The following PTPRD variants were observed in gnomAD, a reference collection of about 807,000 sequenced individuals.
PTPRD encodes the protein receptor-type tyrosine-protein phosphatase delta.
In PTPRD, 34 loss-of-function variants were observed where a neutral mutation model predicts 214.5. The observed-to-expected ratio is 0.16, with a 90% CI of 0.12 to 0.21. PTPRD has a LOEUF of 0.21. PTPRD is among the 10% of genes least tolerant of loss of function. PTPRD has a pLI of 1.00. For missense variants in PTPRD, 2,545 were observed against 2,398.7 expected, an observed-to-expected ratio of 1.06 and a Z score of -1.27; for synonymous variants, 1,128 against 845.7, an observed-to-expected ratio of 1.33 and a Z score of -5.79.
At chr9:8,760,736 G>A (rs2094360907) in intron 11 of PTPRD, among the ~76,000 whole-genome samples, 3 of 151,990 alleles carry the variant, frequency 2.0e-5, no homozygotes, top group Admixed American at 2.0e-4. Context: ...GTTTCTGTGG[G>A]TCTGAAGAAT....
intron 8 of PTPRD, among the ~76,000 whole-genome samples, chr9:9,474,149 G>A (rs181402420): frequency 3.9e-5 from 6 of 152,156 alleles, no homozygotes; most frequent in Non-Finnish European, 7.4e-5. Flanking sequence ...GTGAGAGATA[G>A]GGGTTTAATT....
chr9:9,329,655 T>C (rs1467064032), intron 9 of PTPRD, among the ~76,000 whole-genome samples: 3 of 152,178 alleles, frequency 2.0e-5, no homozygotes, highest in African/African-American at 4.8e-5. Flanking sequence ...AGAGAGAATA[T>C]AGAAGAATTA....
At chr9:9,467,328 C>A (rs564575238) in intron 8 of PTPRD, among the ~76,000 whole-genome samples, 7 of 149,656 alleles carry the variant, frequency 4.7e-5, no homozygotes, top group African/African-American at 1.7e-4. Context: ...TGGCTCACAC[C>A]TGTAATCCCA....
At chr9:8,451,579 C>G (rs2095953296) in intron 33 of PTPRD, among the ~76,000 whole-genome samples, 1 of 152,174 alleles carries the variant, frequency 6.6e-6, no homozygotes, top group African/African-American at 2.4e-5. Flanking sequence ...CTTCGCCTCA[C>G]CACACTAAGA....
At chr9:9,308,793 A>G (rs1957948864) in intron 9 of PTPRD, among the ~76,000 whole-genome samples, 1 of 152,170 alleles carries the variant, frequency 6.6e-6, no homozygotes, top group South Asian at 2.1e-4. Flanking sequence ...AAATATTTTA[A>G]TGTTGAATTT....
intron 8 of PTPRD, among the ~76,000 whole-genome samples, chr9:9,567,503 A>G (rs1188179793): frequency 6.6e-6 from 1 of 152,036 alleles, no homozygotes; most frequent in Non-Finnish European, 1.5e-5. Context: ...TTCCTAAGCA[A>G]TCACCTGTTT....
At chr9:8,570,564 C>CA (rs1308622994) in intron 14 of PTPRD, among the ~76,000 whole-genome samples, 1 of 152,032 alleles carries the variant, frequency 6.6e-6, no homozygotes, top group Non-Finnish European at 1.5e-5. Context: ...ATAACAAATA[C>CA]ATTTTTTTTT....
chr9:9,325,830 T>G (rs1569567385), intron 9 of PTPRD, among the ~76,000 whole-genome samples: 2 of 152,220 alleles, frequency 1.3e-5, no homozygotes, highest in African/African-American at 2.4e-5. Flanking sequence ...GCTGTGGGCT[T>G]GTCATAAATA....
At chr9:8,614,574 T>A (rs138857970) in intron 14 of PTPRD, among the ~76,000 whole-genome samples, 8 of 152,298 alleles carry the variant, frequency 5.3e-5, no homozygotes, top group Non-Finnish European at 1.5e-5. Flanking sequence ...TCCTTTTATG[T>A]AGAGCCCTAC....
At chr9:8,988,039 A>C (rs1003996628) in intron 11 of PTPRD, among the ~76,000 whole-genome samples, 1 of 151,984 alleles carries the variant, frequency 6.6e-6, no homozygotes, top group Non-Finnish European at 1.5e-5. Flanking sequence ...GGGAGATGTA[A>C]GGAGGAAGTT....
At chr9:9,026,867 C>G (rs1358058468) in intron 10 of PTPRD, among the ~76,000 whole-genome samples, 1 of 151,840 alleles carries the variant, frequency 6.6e-6, no homozygotes, top group Non-Finnish European at 1.5e-5. Context: ...GACTCTCCTA[C>G]TCCGACATTT....
intron 7 of PTPRD, among the ~76,000 whole-genome samples, chr9:9,677,805 T>G (rs143508085): frequency 1.3e-5 from 2 of 152,086 alleles, no homozygotes; most frequent in African/African-American, 4.8e-5. Context: ...GACATGATTG[T>G]ATATCTAGAA....
At chr9:10,056,826 G>C (rs897590785) in intron 3 of PTPRD, among the ~76,000 whole-genome samples, 1 of 152,066 alleles carries the variant, frequency 6.6e-6, no homozygotes, top group African/African-American at 2.4e-5. Context: ...AACTCTTACA[G>C]GTCACTTGAG....
intron 12 of PTPRD, among the ~76,000 whole-genome samples, chr9:8,685,183 G>A (rs1239103970): frequency 6.6e-6 from 1 of 151,178 alleles, no homozygotes; most frequent in Non-Finnish European, 1.5e-5. Flanking sequence ...GAAAACAAAG[G>A]CAAAAGATGA....
intron 9 of PTPRD, among the ~76,000 whole-genome samples, chr9:9,209,397 T>G (rs1323970071): frequency 6.6e-6 from 1 of 152,150 alleles, no homozygotes; most frequent in Admixed American, 6.5e-5. Flanking sequence ...CTGTGTTGAG[T>G]TCATCTGGAT....
rs1035807377 is a variant in PTPRD at position 8,742,324 on chromosome 9, T to C, written c.-103-8378A>G. ...TTGAGGAATGACTAAATTTAGCTAA[T>C]TGACATATGCATTACCTCATATAGT... is the stretch of plus-strand genomic sequence containing the variant. On this transcript the variant is annotated intron_variant, in intron 11 of 45. Transcript: ENST00000381196. Among the ~76,000 whole-genome samples, 21 of 152,244 alleles carry C rather than the reference T, an allele frequency of 1.4e-4. No individual in the cohort carries two copies. In the Middle Eastern group the frequency reaches 0.014, roughly 101 times the overall value.
At chr9:10,166,349 T>G (rs1345284346) in intron 3 of PTPRD, among the ~76,000 whole-genome samples, 1 of 150,874 alleles carries the variant, frequency 6.6e-6, no homozygotes, top group Non-Finnish European at 1.5e-5. Context: ...AACAAAGCAC[T>G]TGCTTTTTTC....
chr9:9,283,877 G>A (rs1011609089), intron 9 of PTPRD, among the ~76,000 whole-genome samples: 38 of 151,456 alleles, frequency 2.5e-4, no homozygotes, highest in African/African-American at 4.6e-4. Context: ...ATATACTTAC[G>A]CAGAGGAAAA....
chr9:10,300,985 T>C (rs1279954045), intron 3 of PTPRD, among the ~76,000 whole-genome samples: 1 of 152,104 alleles, frequency 6.6e-6, no homozygotes, highest in African/African-American at 2.4e-5. Flanking sequence ...CATCTCCCAG[T>C]AGGGGCTGAC....
Sources: allele counts gnomAD v4.1 joint callset (sites outside exome capture counted in the v4.1 genomes callset), GRCh38; gene constraint gnomAD v4.1.1; transcripts MANE v1.5; gene names NCBI Gene and HGNC (gene_info 2026-07-23, HGNC 2026-07-21).